LGR5: variants seen among roughly 807,000 people sequenced by gnomAD.
LGR5 encodes the protein leucine rich repeat containing G protein-coupled receptor 5.
LGR5 carries 54 observed loss-of-function variants against 76.7 expected under a neutral mutation model. That is an observed-to-expected ratio of 0.70 (90% CI 0.57 to 0.88). The LOEUF is 0.88. LGR5 is among the 40% of genes least tolerant of loss of function. The pLI is 0.00. For missense variants in LGR5, 1,078 were observed against 1,073.3 expected (o/e 1.00, Z -0.06); for synonymous variants, 406 against 421.9 (o/e 0.96, Z 0.46).
At chr12:71,565,622 AGTAT>A (rs1446848087) in intron 8 of LGR5, among the ~76,000 whole-genome samples, 1 of 150,284 alleles carries the variant, frequency 6.7e-6, no homozygotes, top group Non-Finnish European at 1.5e-5. Flanking sequence ...CCCAGCATCT[AGTAT>A]AATGCCAAGT....
chr12:71,576,254 A>T (rs533581189), intron 13 of LGR5, among the ~76,000 whole-genome samples: 2 of 152,290 alleles, frequency 1.3e-5, no homozygotes, highest in East Asian at 1.9e-4. Context: ...ATTAAATTAA[A>T]TTTTTTTAAA....
intron 6 of LGR5, among the ~76,000 whole-genome samples, chr12:71,558,197 G>A (rs759628997): frequency 1.4e-4 from 22 of 152,126 alleles, no homozygotes; most frequent in Admixed American, 6.5e-5. Flanking sequence ...TCTACAAAAC[G>A]CTGGGCTCAG....
chr12:71,452,579 A>C (rs186782999), intron 1 of LGR5, among the ~76,000 whole-genome samples: 1 of 152,318 alleles, frequency 6.6e-6, no homozygotes, highest in Non-Finnish European at 1.5e-5. Context: ...TGGCAGACTG[A>C]TTGTTTGGAA....
At chr12:71,523,754 G>T (rs1369800061) in intron 2 of LGR5, among the ~76,000 whole-genome samples, 1 of 152,094 alleles carries the variant, frequency 6.6e-6, no homozygotes, top group African/African-American at 2.4e-5. Flanking sequence ...ATATTATAAA[G>T]TAAACTTCTA....
At chr12:71,533,951 A>G (rs1876456365) in intron 3 of LGR5, among the ~76,000 whole-genome samples, 1 of 152,212 alleles carries the variant, frequency 6.6e-6, no homozygotes. Context: ...ACTGGAAAAC[A>G]CACCAAGCTT....
At chr12:71,459,174 T>C (rs1872598511) in intron 1 of LGR5, among the ~76,000 whole-genome samples, 1 of 152,164 alleles carries the variant, frequency 6.6e-6, no homozygotes, top group Non-Finnish European at 1.5e-5. Flanking sequence ...ATCTGACCTA[T>C]AATTACTAGG....
At chr12:71,504,555 C>T (rs1874762181) in intron 1 of LGR5, 59 bp from the exon 2 acceptor site, 1 of 1,310,378 alleles carries the variant, frequency 7.6e-7, no homozygotes, top group Admixed American at 1.7e-5. Context: ...AATTGAACAG[C>T]TGGATTTCCT....
intron 1 of LGR5, among the ~76,000 whole-genome samples, chr12:71,497,805 G>T (rs571881968): frequency 6.6e-6 from 1 of 152,100 alleles, no homozygotes; most frequent in African/African-American, 2.4e-5. Flanking sequence ...ATTTGTCTTC[G>T]ACTGTGGCAG....
chr12:71,583,511 A>C (rs1565782464), intron 17 of LGR5, 136 bp from the exon 18 acceptor site: 23 of 964,728 alleles, frequency 2.4e-5, no homozygotes, highest in Admixed American at 4.6e-5. Flanking sequence ...TGGAGCATGC[A>C]CATGGGCACT....
rs1879251651 is a variant in LGR5 at position 71,584,725 on chromosome 12, A to G, written c.2715A>G (p.Pro905=). ...SCHLSSVAFV[P]CL Reference sequence around the variant, plus strand: ...ATCTTTCCTCTGTGGCATTTGTCCCATGTCTCTAATTAATATGTGAAGGAA... The same window carrying G: ...ATCTTTCCTCTGTGGCATTTGTCCCGTGTCTCTAATTAATATGTGAAGGAA... The change falls in exon 18 of 18, where the codon CCA becomes CCG. Residue 905 remains proline, a synonymous_variant. Coordinates refer to ENST00000266674, the MANE Select transcript of LGR5 (RefSeq NM_003667.4). 1.2e-6 allele frequency: 2 copies of G among 1,609,542 alleles called. No homozygotes were observed. Among genetic ancestry groups the G allele is most frequent in the African/African-American group, 1.3e-5 (1 of 74,790 alleles).
At chr12:71,473,087 C>T (rs1426947667) in intron 1 of LGR5, among the ~76,000 whole-genome samples, 6 of 152,042 alleles carry the variant, frequency 3.9e-5, no homozygotes, top group African/African-American at 1.4e-4. Flanking sequence ...TGAACATAAT[C>T]GATTTTAGTA....
chr12:71,498,599 C>A (rs965383925), intron 1 of LGR5, among the ~76,000 whole-genome samples: 1 of 152,182 alleles, frequency 6.6e-6, no homozygotes, highest in Non-Finnish European at 1.5e-5. Context: ...CTAATCTCAT[C>A]ATGGGGGCTC....
intron 1 of LGR5, among the ~76,000 whole-genome samples, chr12:71,470,960 G>A (rs11178816): frequency 0.069 from 10,497 of 152,138 alleles, 399 homozygotes; most frequent in African/African-American, 0.093. Context: ...GCAGCATCTT[G>A]GTTACATCTT....
intron 13 of LGR5, among the ~76,000 whole-genome samples, chr12:71,576,625 A>G (rs1263036007): frequency 6.6e-6 from 1 of 152,198 alleles, no homozygotes; most frequent in African/African-American, 2.4e-5. Context: ...GGAGGATTCC[A>G]GCGCACGGGC....
chr12:71,504,656 C>T lies in LGR5; in HGVS notation c.255C>T (p.Pro85=). The change falls in exon 2 of 18, where the codon CCC becomes CCT. Residue 85 remains proline, a synonymous_variant. Coordinates refer to ENST00000266674, the MANE Select transcript of LGR5 (RefSeq NM_003667.4). ...ACATCAGTCAGCTGCTCCCGAATCC[C>T]CTGCCCAGTCTCCGCTTCCTGGAGG... The part of the protein sequence containing the change: ...MNNISQLLPN[P]LPSLRFLEEL... The T allele has an allele frequency of 3.7e-6, 6 of 1,614,038 alleles. No individual in the cohort carries two copies. Among genetic ancestry groups the T allele is most frequent in the Non-Finnish European group, 5.1e-6 (6 of 1,179,952 alleles).
intron 4 of LGR5, among the ~76,000 whole-genome samples, chr12:71,537,827 G>T (rs1387287466): frequency 6.6e-6 from 1 of 152,108 alleles, no homozygotes; most frequent in East Asian, 1.9e-4. Context: ...GTAGGACTCT[G>T]CCTCATCCAC....
chr12:71,470,014 G>A (rs550577299), intron 1 of LGR5, among the ~76,000 whole-genome samples: 1 of 152,188 alleles, frequency 6.6e-6, no homozygotes, highest in African/African-American at 2.4e-5. Flanking sequence ...TGGGCTGACT[G>A]TCCTCTAATT....
At chr12:71,479,651 G>T (rs1256805408) in intron 1 of LGR5, among the ~76,000 whole-genome samples, 1 of 152,052 alleles carries the variant, frequency 6.6e-6, no homozygotes, top group Non-Finnish European at 1.5e-5. Context: ...GACTTATCTG[G>T]GGGGGTGGGG....
chr12:71,535,532 G>A lies in LGR5; in HGVS notation c.428+346G>A, dbSNP rs534062685. On this transcript the variant is annotated intron_variant, in intron 4 of 17. Coordinates refer to ENST00000266674, the MANE Select transcript of LGR5 (RefSeq NM_003667.4). ...TACCTAAAAAAAAAAAATAGATGCTGTAATCTAGACATTTTGACATCTTTG... is the reference window on the plus strand; with the variant it reads ...TACCTAAAAAAAAAAAATAGATGCTATAATCTAGACATTTTGACATCTTTG... Among the ~76,000 whole-genome samples the A allele has an allele frequency of 2.0e-5, 3 of 151,930 alleles. No individual in the cohort carries two copies. In the South Asian group the frequency reaches 6.2e-4, roughly 32 times the overall value.
Sources: gnomAD v4.1 joint callset for allele counts (sites outside exome capture counted in the v4.1 genomes callset) on GRCh38, gnomAD v4.1.1 for gene constraint, MANE v1.5 for transcripts, NCBI Gene and HGNC (gene_info 2026-07-23, HGNC 2026-07-21) for gene names.